CEP112: variants seen among roughly 807,000 people sequenced by gnomAD.
CEP112 encodes the protein centrosomal protein of 112 kDa.
CEP112 carries 127 observed loss-of-function variants against 153.0 expected under a neutral mutation model. The observed-to-expected ratio is 0.83, with a 90% CI of 0.72 to 0.96. The LOEUF (loss-of-function observed/expected upper bound fraction) is 0.96. CEP112 is among the 40% of genes least tolerant of loss of function. CEP112 has a pLI of 0.00. For missense variants in CEP112, 1,089 were observed against 1,101.2 expected (o/e 0.99, Z 0.16); for synonymous variants, 358 against 374.4 (o/e 0.96, Z 0.51).
intron 12 of CEP112, among the ~76,000 whole-genome samples, chr17:66,041,098 TA>T (rs5821550): frequency 1.4e-5 from 2 of 146,374 alleles, no homozygotes; most frequent in Non-Finnish European, 1.5e-5. Flanking sequence ...AATGGCTTGG[TA>T]AAAAAAAAAA....
At chr17:66,027,694 C>A (rs2065275779) in intron 15 of CEP112, 134 bp from the exon 16 acceptor site, 2 of 610,136 alleles carry the variant, frequency 3.3e-6, no homozygotes, top group South Asian at 2.8e-5. Flanking sequence ...ATTAAGTAAG[C>A]CCTACAGGTA....
At chr17:65,661,122 A>C (rs1191467949) in intron 24 of CEP112, among the ~76,000 whole-genome samples, 2 of 152,130 alleles carry the variant, frequency 1.3e-5, no homozygotes, top group African/African-American at 4.8e-5. Flanking sequence ...TTTCCCCAAA[A>C]GTCCCATGTC....
chr17:66,064,860 G>A, intron 10 of CEP112, among the ~76,000 whole-genome samples: 1 of 152,092 alleles, frequency 6.6e-6, no homozygotes, highest in East Asian at 1.9e-4. Context: ...GGTAATATTT[G>A]GAGAAAAAAC....
At chr17:66,066,983 T>G in intron 9 of CEP112, 106 bp from the exon 10 acceptor site, 3 of 672,166 alleles carry the variant, frequency 4.5e-6, no homozygotes, top group Non-Finnish European at 6.6e-6. Context: ...GAAAAAGTGA[T>G]TTTAACAAAT....
rs569218992 is a variant in CEP112 at position 66,178,594 on chromosome 17, C to T, written c.107-1574G>A. On this transcript the variant is annotated intron_variant, in intron 2 of 26. Coordinates refer to ENST00000535342, the MANE Select transcript of CEP112 (RefSeq NM_001199165.4). Reference sequence around the variant, plus strand: ...CATTTGTCCATTGTCGCTTTGGTTGCCTGTGCTTTTGGAGTATTACTCAAG... The same window carrying T: ...CATTTGTCCATTGTCGCTTTGGTTGTCTGTGCTTTTGGAGTATTACTCAAG... Among the ~76,000 whole-genome samples the T allele has an allele frequency of 2.0e-5, 3 of 152,240 alleles. No individual in the cohort carries two copies. In the South Asian group the frequency reaches 6.2e-4, roughly 32 times the overall value.
intron 12 of CEP112, among the ~76,000 whole-genome samples, chr17:66,045,863 C>G (rs1306673278): frequency 1.3e-5 from 2 of 149,344 alleles, no homozygotes; most frequent in Admixed American, 1.4e-4. Context: ...TCCACAAGGT[C>G]AAAACTATTT....
chr17:65,946,005 G>T (rs1396183000), intron 18 of CEP112, among the ~76,000 whole-genome samples: 2 of 152,080 alleles, frequency 1.3e-5, no homozygotes, highest in Admixed American at 6.5e-5. Flanking sequence ...TGAAATATCT[G>T]TTCAAGTATT....
chr17:65,852,025 C>T lies in CEP112; in HGVS notation c.2173G>A (p.Asp725Asn), dbSNP rs760811143. Residue 725 changes from aspartate to asparagine, a missense_variant, in exon 21 of 27, where the codon GAC (aspartate) becomes AAC (asparagine). Transcript: ENST00000535342. ...AACTTGTGAACCTGGGCCTCCATGT[C>T]GGCAATAACCTTGTTTTTAAAAATG... ...FKKRDAQVIA[D>N]MEAQVHKLRE... The T allele has an allele frequency of 5.4e-5, 87 of 1,600,854 alleles. No homozygotes were observed. Among genetic ancestry groups the T allele is most frequent in the Non-Finnish European group, 7.0e-5 (82 of 1,176,286 alleles).
chr17:65,994,667 C>T (rs2063717815), intron 17 of CEP112, among the ~76,000 whole-genome samples: 1 of 152,056 alleles, frequency 6.6e-6, no homozygotes, highest in Non-Finnish European at 1.5e-5. Context: ...CCACAACGTA[C>T]AGAAAAATAG....
At chr17:66,144,718 T>C (rs895645733) in intron 4 of CEP112, among the ~76,000 whole-genome samples, 18 of 152,160 alleles carry the variant, frequency 1.2e-4, no homozygotes, top group Admixed American at 7.2e-4. Flanking sequence ...AAAAGGTTCA[T>C]TATTGCTTTG....
intron 4 of CEP112, among the ~76,000 whole-genome samples, chr17:66,144,445 C>A (rs1182068336): frequency 6.6e-6 from 1 of 152,176 alleles, no homozygotes; most frequent in Non-Finnish European, 1.5e-5. Flanking sequence ...GTAATCCCAG[C>A]ACTTTGGGAG....
chr17:65,845,861 T>C (rs1188252060), intron 21 of CEP112, among the ~76,000 whole-genome samples: 1 of 152,210 alleles, frequency 6.6e-6, no homozygotes, highest in Non-Finnish European at 1.5e-5. Flanking sequence ...ATTTTGACCT[T>C]GTGGAGGTAT....
intron 23 of CEP112, among the ~76,000 whole-genome samples, chr17:65,720,187 T>C (rs546132780): frequency 1.3e-5 from 2 of 152,296 alleles, no homozygotes; most frequent in African/African-American, 4.8e-5. Flanking sequence ...GTTCAGATAA[T>C]TATTTCCATT....
intron 12 of CEP112, among the ~76,000 whole-genome samples, chr17:66,041,318 T>C (rs1271290362): frequency 6.7e-6 from 1 of 148,330 alleles, no homozygotes; most frequent in Non-Finnish European, 1.5e-5. Context: ...AAGTGGCAAA[T>C]AGAGCAGAGT....
chr17:65,731,099 G>A (rs2050481249), intron 23 of CEP112, among the ~76,000 whole-genome samples: 1 of 152,118 alleles, frequency 6.6e-6, no homozygotes. Context: ...GAACTTCTGT[G>A]AGCTCAGTGG....
chr17:65,937,823 G>A (rs1439825298), intron 18 of CEP112, among the ~76,000 whole-genome samples: 3 of 86,012 alleles, frequency 3.5e-5, no homozygotes, highest in African/African-American at 7.3e-5. Context: ...CCGGCCAGCC[G>A]CCCCGTCCGG....
intron 21 of CEP112, among the ~76,000 whole-genome samples, chr17:65,839,679 A>G (rs960562764): frequency 6.6e-6 from 1 of 152,118 alleles, no homozygotes; most frequent in Non-Finnish European, 1.5e-5. Context: ...CAGAGCAATT[A>G]GGCAAGAGAA....
intron 18 of CEP112, among the ~76,000 whole-genome samples, chr17:65,957,419 T>C (rs2062039037): frequency 6.6e-6 from 1 of 152,180 alleles, no homozygotes; most frequent in South Asian, 2.1e-4. Context: ...ATATTTCGAT[T>C]GAGTACTCTT....
chr17:66,133,880 A>G (rs936598628), intron 4 of CEP112, among the ~76,000 whole-genome samples: 2 of 152,204 alleles, frequency 1.3e-5, no homozygotes, highest in Non-Finnish European at 2.9e-5. Flanking sequence ...CATTCCTTAG[A>G]CTAGTTAATA....
Sources: allele counts gnomAD v4.1 joint callset (sites outside exome capture counted in the v4.1 genomes callset), GRCh38; gene constraint gnomAD v4.1.1; transcripts MANE v1.5; gene names NCBI Gene and HGNC (gene_info 2026-07-23, HGNC 2026-07-21).